Variants in MGMT observed in about 807,000 individuals in gnomAD.
MGMT encodes the protein O-6-methylguanine-DNA methyltransferase, also known as methylated-DNA--protein-cysteine methyltransferase.
Under a neutral mutation model 15.9 loss-of-function variants are expected in MGMT, and 14 were observed. The ratio of observed to expected loss-of-function variants is 0.88; its 90% CI spans 0.58 to 1.37. MGMT has a LOEUF of 1.37. MGMT is among the 40% of genes most tolerant of loss of function. The pLI, the probability that MGMT is intolerant of heterozygous loss-of-function variation, is 0.00. For missense variants in MGMT, 282 were observed against 268.1 expected (o/e 1.05, Z -0.36); for synonymous variants, 130 against 118.2 (o/e 1.10, Z -0.65).
intron 1 of MGMT, among the ~76,000 whole-genome samples, chr10:129,505,004 G>C (rs1443299385): frequency 1.3e-5 from 2 of 152,060 alleles, no homozygotes; most frequent in African/African-American, 4.8e-5. Context: ...ATGAAGTTTT[G>C]GAAACTAAGG....
At chr10:129,664,369 G>A (rs899727764) in intron 2 of MGMT, among the ~76,000 whole-genome samples, 1 of 152,324 alleles carries the variant, frequency 6.6e-6, no homozygotes, top group African/African-American at 2.4e-5. Flanking sequence ...ATGACTAAGT[G>A]TGTTGATGTT....
intron 2 of MGMT, among the ~76,000 whole-genome samples, chr10:129,696,695 G>A (rs1848036356): frequency 6.6e-6 from 1 of 152,254 alleles, no homozygotes; most frequent in Non-Finnish European, 1.5e-5. Flanking sequence ...CAGGGATTGA[G>A]CACTGGGAAT....
intron 2 of MGMT, among the ~76,000 whole-genome samples, chr10:129,669,513 A>T (rs978963308): frequency 3.9e-5 from 6 of 152,230 alleles, no homozygotes; most frequent in Non-Finnish European, 8.8e-5. Context: ...TGTATTGCTT[A>T]GAAAGCATTT....
rs1195557473 is a variant in MGMT, at chr10:129,532,065, C to T, written c.-12-4176C>T. Reference sequence around the variant, plus strand: ...ATGATTTGGATGGAGCTCACCTGGTCCCCCCAGCTCCCTGCTTTGTGATTG... The same window carrying T: ...ATGATTTGGATGGAGCTCACCTGGTTCCCCCAGCTCCCTGCTTTGTGATTG... On this transcript the variant is annotated intron_variant, in intron 1 of 4. Coordinates refer to ENST00000651593, the MANE Select transcript of MGMT (RefSeq NM_002412.5). This position sits in a 1 kb window ranked among gnomAD's most constrained non-coding sequence, Gnocchi z 5.3. Among the ~76,000 whole-genome samples, 2 of 152,156 alleles carry T rather than the reference C, an allele frequency of 1.3e-5. No homozygotes were observed. Among genetic ancestry groups the T allele is most frequent in the African/African-American group, 2.4e-5 (1 of 41,420 alleles).
intron 3 of MGMT, among the ~76,000 whole-genome samples, chr10:129,710,037 G>A (rs75526557): frequency 0.013 from 2,001 of 152,288 alleles, 47 homozygotes; most frequent in African/African-American, 0.045. Flanking sequence ...GAGGACAGGC[G>A]GGCCCCTGGG....
Position 129,475,335 on chromosome 10 carries a change from G to A in MGMT, c.-13+8039G>A, listed in dbSNP as rs1845278945. Among the ~76,000 whole-genome samples the A allele has an allele frequency of 2.0e-5, 3 of 152,170 alleles. No individual in the cohort carries two copies. In the South Asian group the frequency reaches 6.2e-4, roughly 32 times the overall value. ...AGTCATGCCAGCAGGGCAGGGCTGT[G>A]TGTGTCTGGGTGATGGGGGATCAGA... On this transcript the variant is annotated intron_variant, in intron 1 of 4. Coordinates refer to ENST00000651593, the MANE Select transcript of MGMT (RefSeq NM_002412.5).
intron 2 of MGMT, among the ~76,000 whole-genome samples, chr10:129,553,624 G>A (rs1438770779): frequency 1.3e-5 from 2 of 152,230 alleles, no homozygotes; most frequent in African/African-American, 4.8e-5. Flanking sequence ...GGAATGACGA[G>A]AAACCACAAC....
At chr10:129,506,409 C>T (rs1482231836) in intron 1 of MGMT, among the ~76,000 whole-genome samples, 1 of 152,136 alleles carries the variant, frequency 6.6e-6, no homozygotes, top group Non-Finnish European at 1.5e-5. Flanking sequence ...TCTTTCCCAT[C>T]ACCCTATGGC....
chr10:129,636,071 C>A (rs932729254), intron 2 of MGMT, among the ~76,000 whole-genome samples: 3 of 152,184 alleles, frequency 2.0e-5, no homozygotes, highest in Admixed American at 6.5e-5. Context: ...TCTTCTTTTT[C>A]TTTTTTCTCA....
intron 2 of MGMT, among the ~76,000 whole-genome samples, chr10:129,622,788 C>A (rs532854257): frequency 6.7e-6 from 1 of 150,200 alleles, no homozygotes; most frequent in Non-Finnish European, 1.5e-5. Context: ...CAATAAATGG[C>A]CTGTAAAAAA....
chr10:129,757,499 C>T (rs1165011207), intron 3 of MGMT, among the ~76,000 whole-genome samples: 1 of 152,210 alleles, frequency 6.6e-6, no homozygotes, highest in Non-Finnish European at 1.5e-5. Context: ...ACTCTGTGTT[C>T]GCCGAGGAAG....
intron 2 of MGMT, among the ~76,000 whole-genome samples, chr10:129,605,006 T>C (rs1846872056): frequency 6.6e-6 from 1 of 152,204 alleles, no homozygotes; most frequent in African/African-American, 2.4e-5. Context: ...TCTGTCTGCC[T>C]TCTGAGATTT....
At chr10:129,674,799 C>T (rs923887556) in intron 2 of MGMT, among the ~76,000 whole-genome samples, 1 of 152,212 alleles carries the variant, frequency 6.6e-6, no homozygotes, top group Non-Finnish European at 1.5e-5. Flanking sequence ...ATCTTTCCAG[C>T]ATCAGTACCT....
At chr10:129,714,189 C>A (rs1032325839) in intron 3 of MGMT, among the ~76,000 whole-genome samples, 2 of 152,242 alleles carry the variant, frequency 1.3e-5, no homozygotes, top group Non-Finnish European at 2.9e-5. Flanking sequence ...GACTGCCTGG[C>A]CAGGCCAGCC....
rs1846219902 is a variant in MGMT, at chr10:129,556,859, T to A, written c.125+20482T>A. ...TGTTTCTGTTCTGTCGTAGGGCTAG[T>A]GAGACCAGCTTTCCCTTGAGTTCTG... On this transcript the variant is annotated intron_variant, in intron 2 of 4. Coordinates refer to ENST00000651593, the MANE Select transcript of MGMT (RefSeq NM_002412.5). The surrounding 1 kb of genome is among the most constrained non-coding windows in gnomAD (Gnocchi z 4.3). 6.6e-6 allele frequency among the ~76,000 whole-genome samples: 1 copy of A among 152,164 alleles called. No individual in the cohort carries two copies.
intron 2 of MGMT, among the ~76,000 whole-genome samples, chr10:129,674,700 G>T (rs200933831): frequency 6.6e-6 from 1 of 152,268 alleles, no homozygotes; most frequent in Non-Finnish European, 1.5e-5. Context: ...AGCAGCCTGG[G>T]GGAGGTGGAG....
chr10:129,475,473 C>T (rs981035985), intron 1 of MGMT, among the ~76,000 whole-genome samples: 5 of 152,040 alleles, frequency 3.3e-5, no homozygotes, highest in Non-Finnish European at 5.9e-5. Context: ...GAATAATGGG[C>T]GAAGAAAAGG....
chr10:129,590,618 A>G (rs538168977), intron 2 of MGMT, among the ~76,000 whole-genome samples: 3 of 152,354 alleles, frequency 2.0e-5, no homozygotes, highest in South Asian at 4.1e-4. Flanking sequence ...AAACTTTGAA[A>G]AGTATGTCAT....
At chr10:129,727,142 G>C (rs2133159330) in intron 3 of MGMT, among the ~76,000 whole-genome samples, 1 of 152,306 alleles carries the variant, frequency 6.6e-6, no homozygotes, top group Middle Eastern at 3.4e-3. Flanking sequence ...CTTCACTGCT[G>C]GTACTCCCAC....
Sources: gnomAD v4.1 joint callset for allele counts (sites outside exome capture counted in the v4.1 genomes callset) on GRCh38, gnomAD v4.1.1 for gene constraint, Gnocchi (gnomAD v3.1) non-coding constraint, MANE v1.5 for transcripts, NCBI Gene and HGNC (gene_info 2026-07-23, HGNC 2026-07-21) for gene names.